Variants in SGCZ observed in about 807,000 individuals in gnomAD.
SGCZ encodes the protein zeta-sarcoglycan.
In SGCZ, 40 loss-of-function variants were observed where a neutral mutation model predicts 41.3. That is an observed-to-expected ratio of 0.97 (90% CI 0.75 to 1.26). The LOEUF is 1.26. Ranked by LOEUF, SGCZ falls within the 50% of genes most tolerant of loss-of-function variation. The probability of loss-of-function intolerance (pLI) is 0.00; values close to 1 mark genes in which losing one functional copy is unlikely to be tolerated. For missense variants in SGCZ, 552 were observed against 369.8 expected, an observed-to-expected ratio of 1.49 and a Z score of -4.04; for synonymous variants, 206 against 137.5, an observed-to-expected ratio of 1.50 and a Z score of -3.49.
chr8:14,914,600 T>C (rs566170218), intron 1 of SGCZ, among the ~76,000 whole-genome samples: 1 of 152,226 alleles, frequency 6.6e-6, no homozygotes, highest in South Asian at 2.1e-4. Context: ...ATTCTACAAA[T>C]AACATCTATC....
intron 1 of SGCZ, among the ~76,000 whole-genome samples, chr8:14,784,913 A>AAAAAAAAAAATAT (rs1408574493): frequency 5.7e-5 from 5 of 88,036 alleles, no homozygotes; most frequent in African/African-American, 2.3e-4. Context: ...AAAAAAAAAA[A>AAAAAAAAAAATAT]ATATATATAT....
At chr8:15,008,080 G>A (rs1427213691) in intron 1 of SGCZ, among the ~76,000 whole-genome samples, 1 of 151,978 alleles carries the variant, frequency 6.6e-6, no homozygotes, top group Non-Finnish European at 1.5e-5. Context: ...AAAAACTACT[G>A]TAAAAGATCT....
chr8:14,379,792 C>A (rs761703801), intron 2 of SGCZ, among the ~76,000 whole-genome samples: 4 of 151,964 alleles, frequency 2.6e-5, no homozygotes, highest in Non-Finnish European at 5.9e-5. Flanking sequence ...AGTACAGTGG[C>A]TCGATCTCAG....
At chr8:15,067,369 G>C (rs1267226716) in intron 1 of SGCZ, among the ~76,000 whole-genome samples, 5 of 152,154 alleles carry the variant, frequency 3.3e-5, no homozygotes, top group African/African-American at 9.7e-5. Context: ...TTTAGAACTA[G>C]AAGAAATTAT....
rs138419473 is a variant in SGCZ, at chr8:14,211,917, C to A, written c.424+25675G>T. On this transcript the variant is annotated intron_variant, in intron 4 of 7. Coordinates refer to ENST00000382080, the MANE Select transcript of SGCZ (RefSeq NM_139167.4). ...AGTGGTACCACAACTTCTCTGCCAC[C>A]CAATGAGCCACAGCTGTGCCATACC... Among the ~76,000 whole-genome samples the A allele has an allele frequency of 2.2e-4, 33 of 152,194 alleles. No individual in the cohort carries two copies. In the East Asian group the frequency reaches 6.0e-3, roughly 28 times the overall value.
intron 4 of SGCZ, among the ~76,000 whole-genome samples, chr8:14,217,078 G>C (rs779261898): frequency 2.6e-5 from 4 of 152,028 alleles, no homozygotes; most frequent in Non-Finnish European, 5.9e-5. Flanking sequence ...ACGAGGTCAG[G>C]GGATAGAGAC....
intron 4 of SGCZ, among the ~76,000 whole-genome samples, chr8:14,221,602 A>G (rs2117122355): frequency 6.6e-6 from 1 of 152,304 alleles, no homozygotes; most frequent in East Asian, 1.9e-4. Flanking sequence ...ACAATTGTGT[A>G]TATGTTAATC....
At chr8:15,076,367 A>G (rs67876485) in intron 1 of SGCZ, among the ~76,000 whole-genome samples, 12,205 of 152,202 alleles carry the variant, frequency 0.08, 722 homozygotes, top group East Asian at 0.29. Flanking sequence ...GGGTAGCAAG[A>G]GAAGGATGGG....
At position 15,046,129 on chromosome 8, in the gene SGCZ, G is replaced by T. The variant is rs531043306; in HGVS notation, c.39+191456C>A. ...ACTGATTTCCATTCTATAGTGAACA[G>T]CATTTTTAATATAATATAGAGCACA... On this transcript the variant is annotated intron_variant, in intron 1 of 7. Transcript: ENST00000382080. Among the ~76,000 whole-genome samples the T allele has an allele frequency of 1.4e-4, 21 of 152,080 alleles. 1 individual carries two copies. In the East Asian group the frequency reaches 3.5e-3, roughly 25 times the overall value.
At chr8:14,438,477 G>C (rs1800154316) in intron 2 of SGCZ, among the ~76,000 whole-genome samples, 1 of 151,904 alleles carries the variant, frequency 6.6e-6, no homozygotes, top group African/African-American at 2.4e-5. Flanking sequence ...TAACTGAAGA[G>C]TTCAATAACT....
In SGCZ at chr8:14,793,806, T is replaced by C. The variant is rs138283719; in HGVS notation, c.40-238880A>G. Among the ~76,000 whole-genome samples the C allele has an allele frequency of 5.0e-3, 761 of 152,228 alleles. 1 individual carries two copies. Among genetic ancestry groups the C allele is most frequent in the East Asian group, 0.012 (60 of 5,170 alleles). ...TACTTCTCTTTCACCTTGGCAGAAGTCTAGAGATTTTCTATTTGAAAGAAG... is the reference window on the plus strand; with the variant it reads ...TACTTCTCTTTCACCTTGGCAGAAGCCTAGAGATTTTCTATTTGAAAGAAG... On this transcript the variant is annotated intron_variant, in intron 1 of 7. Transcript: ENST00000382080.
At chr8:14,629,153 C>T (rs1321647786) in intron 1 of SGCZ, among the ~76,000 whole-genome samples, 1 of 152,038 alleles carries the variant, frequency 6.6e-6, no homozygotes, top group Admixed American at 6.6e-5. Context: ...GTAGTCATAC[C>T]TGAAGTCCAT....
At chr8:14,455,983 G>A (rs1364060681) in intron 2 of SGCZ, among the ~76,000 whole-genome samples, 6 of 152,172 alleles carry the variant, frequency 3.9e-5, no homozygotes, top group Non-Finnish European at 2.9e-5. Flanking sequence ...ACAGTTGGAG[G>A]GGAGGGGATG....
intron 1 of SGCZ, among the ~76,000 whole-genome samples, chr8:15,168,398 G>T (rs1799726212): frequency 6.6e-6 from 1 of 152,210 alleles, no homozygotes; most frequent in Non-Finnish European, 1.5e-5. Flanking sequence ...CTGACGGTAG[G>T]AAAGAGATAT....
At chr8:15,190,476 G>C (rs1800498509) in intron 1 of SGCZ, among the ~76,000 whole-genome samples, 1 of 152,038 alleles carries the variant, frequency 6.6e-6, no homozygotes, top group African/African-American at 2.4e-5. Flanking sequence ...AGAGAAATAG[G>C]CAAGTCAAAG....
At chr8:14,613,139 A>T (rs1805984526) in intron 1 of SGCZ, among the ~76,000 whole-genome samples, 3 of 152,122 alleles carry the variant, frequency 2.0e-5, no homozygotes, top group African/African-American at 7.2e-5. Flanking sequence ...ACCTGCTGGG[A>T]GGGTGCATGC....
chr8:14,428,942 T>C (rs1348965758), intron 2 of SGCZ, among the ~76,000 whole-genome samples: 2 of 152,226 alleles, frequency 1.3e-5, no homozygotes, highest in Non-Finnish European at 2.9e-5. Flanking sequence ...TATAGAAATA[T>C]GGCCCTTATT....
chr8:14,327,272 A>T (rs1224266196), intron 2 of SGCZ, among the ~76,000 whole-genome samples: 1 of 152,232 alleles, frequency 6.6e-6, no homozygotes, highest in Non-Finnish European at 1.5e-5. Flanking sequence ...GGGTGGAGGT[A>T]GATTTAAGAA....
intron 2 of SGCZ, among the ~76,000 whole-genome samples, chr8:14,491,940 A>C (rs1296550786): frequency 1.3e-5 from 2 of 150,346 alleles, no homozygotes; most frequent in Non-Finnish European, 3.0e-5. Flanking sequence ...GCTAGCCATT[A>C]GTTACTCAGA....
Sources: gnomAD v4.1 joint callset for allele counts (sites outside exome capture counted in the v4.1 genomes callset) on GRCh38, gnomAD v4.1.1 for gene constraint, MANE v1.5 for transcripts, NCBI Gene and HGNC (gene_info 2026-07-23, HGNC 2026-07-21) for gene names.